Variants in WDPCP observed in about 807,000 individuals in gnomAD.
WDPCP encodes the protein WD repeat containing planar cell polarity effector.
Under a neutral mutation model 93.1 loss-of-function variants are expected in WDPCP, and 71 were observed. The observed-to-expected ratio is 0.76, with a 90% confidence interval of 0.63 to 0.93. WDPCP has a LOEUF of 0.93. WDPCP is among the 40% of genes least tolerant of loss of function. The probability of loss-of-function intolerance (pLI) is 0.00; values close to 1 mark genes in which losing one functional copy is unlikely to be tolerated. For missense variants in WDPCP, 844 were observed against 887.4 expected (o/e 0.95, Z 0.62); for synonymous variants, 315 against 315.0 (o/e 1.00, Z 0.00).
intron 2 of WDPCP, among the ~76,000 whole-genome samples, chr2:63,703,925 C>T (rs1218198022): frequency 6.6e-6 from 1 of 152,098 alleles, no homozygotes. Flanking sequence ...ATTCTTCCTA[C>T]CCATGAGCAT....
In WDPCP at chr2:63,520,284, A is replaced by T. The variant is rs563793007; in HGVS notation, c.76-27344T>A. Reference sequence around the variant, plus strand: ...TCACTGGCATCTCTGAAAGGGAGGAAGGGAAACCTAGCAACTTGGAAAACA... The same window carrying T: ...TCACTGGCATCTCTGAAAGGGAGGATGGGAAACCTAGCAACTTGGAAAACA... On this transcript the variant is annotated intron_variant, in intron 1 of 17. Transcript: ENST00000272321. Among the ~76,000 whole-genome samples the T allele has an allele frequency of 7.5e-4, 115 of 152,346 alleles. No individual in the cohort carries two copies. In the Middle Eastern group the frequency reaches 0.01, roughly 14 times the overall value.
intron 12 of WDPCP, among the ~76,000 whole-genome samples, chr2:63,364,953 T>C (rs867642132): frequency 6.6e-6 from 1 of 152,180 alleles, no homozygotes; most frequent in Non-Finnish European, 1.5e-5. Context: ...CATTATAGTA[T>C]GAAAGCAGCC....
At chr2:63,201,447 T>C (rs1197327004) in intron 14 of WDPCP, among the ~76,000 whole-genome samples, 1 of 152,236 alleles carries the variant, frequency 6.6e-6, no homozygotes, top group African/African-American at 2.4e-5. Flanking sequence ...GTGCTTTGGA[T>C]TCCACATGCT....
chr2:63,247,280 GT>G (rs1296697375), intron 14 of WDPCP, among the ~76,000 whole-genome samples: 1 of 152,170 alleles, frequency 6.6e-6, no homozygotes, highest in African/African-American at 2.4e-5. Flanking sequence ...TGTTGTTGCT[GT>G]TGTGTAACAG....
chr2:63,608,089 A>T (rs1047166566), intron 3 of WDPCP, among the ~76,000 whole-genome samples: 3 of 152,162 alleles, frequency 2.0e-5, no homozygotes, highest in African/African-American at 7.2e-5. Context: ...TACGCTTTGT[A>T]GATAATTTGA....
chr2:63,568,179 C>T (rs767122625), intron 1 of WDPCP, among the ~76,000 whole-genome samples: 1 of 152,098 alleles, frequency 6.6e-6, no homozygotes, highest in African/African-American at 2.4e-5. Context: ...AATTAGCTTG[C>T]CCTAGACTAA....
In WDPCP at chr2:63,234,423, C is replaced by T. The variant is rs900116993; in HGVS notation, c.1915+24884G>A. Among the ~76,000 whole-genome samples, 3 of 152,114 alleles carry T rather than the reference C, an allele frequency of 2.0e-5. No individual in the cohort carries two copies. In the East Asian group the frequency reaches 5.8e-4, roughly 29 times the overall value. Reference sequence around the variant, plus strand: ...GAGCTATGAACATGCCACTGCATTCCAGCCTGGGTGACAGAGCAAGATTTC... The same window carrying T: ...GAGCTATGAACATGCCACTGCATTCTAGCCTGGGTGACAGAGCAAGATTTC... On this transcript the variant is annotated intron_variant, in intron 14 of 17. Coordinates refer to ENST00000272321, the MANE Select transcript of WDPCP (RefSeq NM_015910.7).
intron 10 of WDPCP, among the ~76,000 whole-genome samples, chr2:63,398,752 C>A (rs1693936777): frequency 7.0e-6 from 1 of 142,518 alleles, no homozygotes. Flanking sequence ...CAAAGGCTTG[C>A]ATAACAAGCA....
At chr2:63,515,482 A>T (rs1056896379) in intron 1 of WDPCP, among the ~76,000 whole-genome samples, 16 of 152,284 alleles carry the variant, frequency 1.1e-4, no homozygotes, top group Admixed American at 9.8e-4. Context: ...ATTCCTAAAA[A>T]CTGCATTTGT....
At chr2:63,811,285 C>T (rs1020806000) in intron 2 of WDPCP, among the ~76,000 whole-genome samples, 2 of 152,172 alleles carry the variant, frequency 1.3e-5, no homozygotes, top group Non-Finnish European at 2.9e-5. Context: ...TAATAAAATA[C>T]GGCAAAGGTG....
chr2:63,552,861 T>TAATAAAA (rs1705786035), intron 1 of WDPCP, among the ~76,000 whole-genome samples: 1 of 152,158 alleles, frequency 6.6e-6, no homozygotes, highest in African/African-American at 2.4e-5. Flanking sequence ...GATAAGAGAA[T>TAATAAAA]CACACATAAT....
At chr2:63,612,166 T>C (rs1234349057) in intron 3 of WDPCP, among the ~76,000 whole-genome samples, 1 of 152,228 alleles carries the variant, frequency 6.6e-6, no homozygotes, top group Non-Finnish European at 1.5e-5. Context: ...ACTCATGGGC[T>C]TGGAAGTCAG....
intron 2 of WDPCP, among the ~76,000 whole-genome samples, chr2:63,766,576 C>T (rs1045899973): frequency 7.1e-6 from 1 of 140,928 alleles, no homozygotes; most frequent in African/African-American, 2.6e-5. Context: ...CTGTATGTTA[C>T]TTAAAAAAAA....
intron 9 of WDPCP, among the ~76,000 whole-genome samples, chr2:63,416,698 A>G (rs1323140168): frequency 1.3e-5 from 2 of 151,074 alleles, no homozygotes; most frequent in African/African-American, 4.9e-5. Flanking sequence ...TAATTTTTGT[A>G]TTTTTAGTAG....
chr2:63,389,914 C>T (rs1372245507), intron 10 of WDPCP, among the ~76,000 whole-genome samples: 1 of 152,130 alleles, frequency 6.6e-6, no homozygotes, highest in East Asian at 1.9e-4. Flanking sequence ...TAGAGACCTA[C>T]AAAGAGACTT....
chr2:63,337,892 T>C (rs149548328), intron 12 of WDPCP, among the ~76,000 whole-genome samples: 70 of 152,324 alleles, frequency 4.6e-4, no homozygotes, highest in African/African-American at 1.6e-3. Flanking sequence ...TATATTCTGA[T>C]TATTAATCTC....
At chr2:63,187,844 T>C (rs1326882016) in intron 14 of WDPCP, among the ~76,000 whole-genome samples, 1 of 152,238 alleles carries the variant, frequency 6.6e-6, no homozygotes, top group Non-Finnish European at 1.5e-5. Context: ...GTGCCTACCA[T>C]CCTTTGTTTA....
At chr2:63,712,582 T>A (rs971654077) in intron 2 of WDPCP, among the ~76,000 whole-genome samples, 1 of 152,220 alleles carries the variant, frequency 6.6e-6, no homozygotes, top group Non-Finnish European at 1.5e-5. Flanking sequence ...CTGAATATGT[T>A]TGAAGCCTGC....
chr2:63,260,546 C>T (rs1377371907), intron 13 of WDPCP, among the ~76,000 whole-genome samples: 3 of 152,034 alleles, frequency 2.0e-5, no homozygotes, highest in African/African-American at 4.8e-5. Flanking sequence ...TTGGTTAAGA[C>T]TTTATTTATT....
Sources: gnomAD v4.1 joint callset for allele counts (sites outside exome capture counted in the v4.1 genomes callset) on GRCh38, gnomAD v4.1.1 for gene constraint, MANE v1.5 for transcripts, NCBI Gene and HGNC (gene_info 2026-07-23, HGNC 2026-07-21) for gene names.